The following WDR83 variants were observed in gnomAD, a reference collection of about 807,000 sequenced individuals.
WDR83 encodes the protein WD repeat domain-containing protein 83.
WDR83 carries 37 observed loss-of-function variants against 37.7 expected under a neutral mutation model. That is an observed-to-expected ratio of 0.98 (90% confidence interval 0.76 to 1.29). WDR83 has a LOEUF of 1.29. Among genes scored for constraint, WDR83 ranks in the 50% most tolerant of loss-of-function variants. The pLI is 0.00. For synonymous variants in WDR83, 174 were observed against 181.1 expected, an observed-to-expected ratio of 0.96 and a Z score of 0.31; for missense variants, 445 against 414.4, an observed-to-expected ratio of 1.07 and a Z score of -0.64.
rs2024559619 is a variant in WDR83, at chr19:12,675,788, C to A, written c.*116C>A. The stretch of plus-strand genomic sequence containing the variant: ...AAAAGTAGGGGAGGGGCTGGGTCTG[C>A]AAATTAATAAATAGAAGAGGGGGTA... On this transcript the variant is annotated 3_prime_UTR_variant, in exon 11 of 11. Transcript: ENST00000418543. 2 of 1,567,254 alleles carry A rather than the reference C, an allele frequency of 1.3e-6. No individual in the cohort carries two copies. Among genetic ancestry groups the A allele is most frequent in the Non-Finnish European group, 1.7e-6 (2 of 1,154,520 alleles).
Position 12,672,791 on chromosome 19 carries a change from G to T in WDR83, c.507-56G>T. 12 of 1,524,374 alleles carry T rather than the reference G, an allele frequency of 7.9e-6. No homozygotes were observed. The South Asian group carries it at 1.4e-4, about 18-fold the overall frequency. 94.4% of individuals were successfully genotyped at this position (1,524,374 alleles called of 1,614,324 possible). A position where few individuals can be genotyped will look rare whatever the true frequency, so the allele number is the denominator to read the frequency against. ...CACTGGGCTGGGAAGGCACAGGGCT[G>T]CCTGGAGCCATGTGAGTGTAGTCAA... On this transcript the variant is annotated intron_variant, in intron 7 of 10. Transcript: ENST00000418543.
intron 1 of WDR83, chr19:12,668,196 G>A (rs1032454682): frequency 7.4e-6 from 5 of 672,870 alleles, no homozygotes; most frequent in Non-Finnish European, 1.0e-5. Context: ...TAAGCCTAGG[G>A]TGTTCCCTAG....
At chr19:12,673,170 G>A in intron 9 of WDR83, 32 bp from the exon 10 acceptor site, 1 of 1,613,242 alleles carries the variant, frequency 6.2e-7, no homozygotes, top group Non-Finnish European at 8.5e-7. Flanking sequence ...CCCCTGGAGA[G>A]GACCAAGCCC....
intron 10 of WDR83, among the ~76,000 whole-genome samples, chr19:12,674,815 G>A (rs2024523083): frequency 6.6e-6 from 1 of 152,058 alleles, no homozygotes; most frequent in Non-Finnish European, 1.5e-5. Flanking sequence ...GGAACATGTG[G>A]TACAAGAAAA....
intron 2 of WDR83, chr19:12,669,545 A>G: frequency 9.3e-7 from 1 of 1,074,402 alleles, no homozygotes; most frequent in Non-Finnish European, 1.3e-6. Flanking sequence ...CCCCTTACCC[A>G]GAGAACGGAG....
intron 10 of WDR83, among the ~76,000 whole-genome samples, chr19:12,674,002 G>T (rs976520458): frequency 1.3e-5 from 2 of 152,176 alleles, no homozygotes; most frequent in African/African-American, 4.8e-5. Flanking sequence ...GCCCAGCTTG[G>T]GCTAGAGAGA....
chr19:12,669,864 A>C lies in WDR83; in HGVS notation c.74A>C (p.Gln25Pro). ...QKRLKTLDCG[Q>P]GAVRAVRFNV... is the part of the protein sequence containing the mutation. ...CGGTTGAAGACGCTGGACTGCGGGCAGGGGGCAGTGCGAGCCGTACGATTT... is the reference window on the plus strand; with the variant it reads ...CGGTTGAAGACGCTGGACTGCGGGCCGGGGGCAGTGCGAGCCGTACGATTT... The change falls in exon 3 of 11, where the codon CAG becomes CCG. Residue 25 changes from glutamine to proline, a missense_variant. Coordinates refer to ENST00000418543, the MANE Select transcript of WDR83 (RefSeq NM_001099737.3). 1 of 1,611,698 alleles carries C rather than the reference A, an allele frequency of 6.2e-7. No individual in the cohort carries two copies. The highest frequency in any genetic ancestry group is 8.5e-7 in the Non-Finnish European group (1 of 1,178,738).
chr19:12,671,020 G>A (rs2024399481), intron 7 of WDR83, 199 bp downstream of exon 7: 1 of 746,894 alleles, frequency 1.3e-6, no homozygotes, highest in Non-Finnish European at 2.1e-6. Flanking sequence ...GTGAAAGACA[G>A]ACTGTCTACA....
Position 12,673,047 on chromosome 19 carries a change from G to A in WDR83, c.614G>A (p.Cys205Tyr), listed in dbSNP as rs375417454. 6 of 1,613,724 alleles carry A rather than the reference G, an allele frequency of 3.7e-6. No individual in the cohort carries two copies. Among genetic ancestry groups the A allele is most frequent in the Non-Finnish European group, 5.1e-6 (6 of 1,179,708 alleles). The change falls in exon 9 of 11, where the codon TGC (cysteine) becomes TAC (tyrosine). Residue 205 changes from cysteine to tyrosine, a missense_variant. Physicochemically the swap from Cys to Tyr is radical, Grantham distance 194. Coordinates refer to ENST00000418543, the MANE Select transcript of WDR83 (RefSeq NM_001099737.3). ...ACCTGCTTCAGCCGGGATGGGCAGTGCACCCTGGTGTCCAGCCTGGACTCC... is the reference window on the plus strand; with the variant it reads ...ACCTGCTTCAGCCGGGATGGGCAGTACACCCTGGTGTCCAGCCTGGACTCC... ...TCTCFSRDGQ[C>Y]TLVSSLDSTL...
chr19:12,667,214 G>A (rs2024276673), intron 1 of WDR83, among the ~76,000 whole-genome samples: 1 of 152,200 alleles, frequency 6.6e-6, no homozygotes. Context: ...GCCTGGTTGA[G>A]AAGGATCCCT....
At chr19:12,673,416 T>A in intron 10 of WDR83, 100 bp downstream of exon 10, 2 of 695,154 alleles carry the variant, frequency 2.9e-6, no homozygotes, top group East Asian at 3.0e-5. Context: ...GGATCTTTTT[T>A]TTTTTTTTTT....
intron 2 of WDR83, 44 bp from the exon 3 acceptor site, chr19:12,669,711 T>C (rs918182659): frequency 9.3e-6 from 13 of 1,391,630 alleles, no homozygotes; most frequent in African/African-American, 1.4e-5. Flanking sequence ...ATAATAAGGT[T>C]ACACCCAAGC....
In WDR83 at chr19:12,670,114, G is replaced by C. The variant is rs1478002095; in HGVS notation, c.224+17G>C. 8.1e-6 allele frequency: 13 copies of C among 1,608,122 alleles called. No individual in the cohort carries two copies. Among genetic ancestry groups the C allele is most frequent in the Non-Finnish European group, 1.0e-5 (12 of 1,176,054 alleles). On this transcript the variant is annotated intron_variant, in intron 4 of 10. Transcript: ENST00000418543. ...TGCGGCCGGGTGAGCCGGGGACCAG[G>C]CTGGGATGGGAGCGCTGAGGCTGGG... is the stretch of plus-strand genomic sequence containing the variant.
chr19:12,670,157 A>T, intron 4 of WDR83, 23 bp from the exon 5 acceptor site: 1 of 1,610,158 alleles, frequency 6.2e-7, no homozygotes, highest in Non-Finnish European at 8.5e-7. Flanking sequence ...GTCGATGCTG[A>T]TCCTCCTCCT....
At chr19:12,669,644 G>T in intron 2 of WDR83, 111 bp from the exon 3 acceptor site, 1 of 1,005,634 alleles carries the variant, frequency 9.9e-7, no homozygotes, top group Non-Finnish European at 1.4e-6. Flanking sequence ...CCCGATCACC[G>T]AAATGCCAAA....
At position 12,675,783 on chromosome 19, in the gene WDR83, G is replaced by T; in HGVS notation, c.*111G>T. Reference sequence around the variant, plus strand: ...GACCAAAAAGTAGGGGAGGGGCTGGGTCTGCAAATTAATAAATAGAAGAGG... The same window carrying T: ...GACCAAAAAGTAGGGGAGGGGCTGGTTCTGCAAATTAATAAATAGAAGAGG... On this transcript the variant is annotated 3_prime_UTR_variant, in exon 11 of 11. Transcript: ENST00000418543. 1.3e-6 allele frequency: 2 copies of T among 1,567,474 alleles called. No homozygotes were observed.
intron 10 of WDR83, 47 bp downstream of exon 10, chr19:12,673,363 T>C: frequency 1.5e-6 from 2 of 1,341,142 alleles, no homozygotes; most frequent in Non-Finnish European, 2.1e-6. Flanking sequence ...CTGCCCCATC[T>C]CAGCCCTGTC....
At chr19:12,671,080 C>A (rs971043771) in intron 7 of WDR83, 1 of 408,650 alleles carries the variant, frequency 2.4e-6, no homozygotes, top group African/African-American at 2.1e-5. Flanking sequence ...GTAATCCCAG[C>A]ACTTTGGGAG....
In WDR83 at chr19:12,675,778, G is replaced by A. The variant is rs2024559147; in HGVS notation, c.*106G>A. 1 of 1,565,610 alleles carries A rather than the reference G, an allele frequency of 6.4e-7. No homozygotes were observed. The highest frequency in any genetic ancestry group is 1.2e-5 in the South Asian group (1 of 85,986). ...TAGCTGACCAAAAAGTAGGGGAGGG[G>A]CTGGGTCTGCAAATTAATAAATAGA... On this transcript the variant is annotated 3_prime_UTR_variant, in exon 11 of 11. Coordinates refer to ENST00000418543, the MANE Select transcript of WDR83 (RefSeq NM_001099737.3).
Sources: gnomAD v4.1 joint callset for allele counts (sites outside exome capture counted in the v4.1 genomes callset) on GRCh38, gnomAD v4.1.1 for gene constraint, MANE v1.5 for transcripts, NCBI Gene and HGNC (gene_info 2026-07-23, HGNC 2026-07-21) for gene names.